ZNF425: variants seen among roughly 807,000 people sequenced by gnomAD.
ZNF425 encodes zinc finger protein 425.
ZNF425 carries 21 observed loss-of-function variants against 17.0 expected under a neutral mutation model. That is an observed-to-expected ratio of 1.23 (90% confidence interval 0.88 to 1.78). ZNF425 has a LOEUF of 1.78. Among genes scored for constraint, ZNF425 ranks in the 40% most tolerant of loss-of-function variants. The pLI is 0.00. For synonymous variants in ZNF425, 433 were observed against 384.1 expected, an observed-to-expected ratio of 1.13 and a Z score of -1.49; for missense variants, 868 against 967.3, an observed-to-expected ratio of 0.90 and a Z score of 1.36.
chr7:149,124,413 C>G (rs1826416977), intron 1 of ZNF425, among the ~76,000 whole-genome samples: 1 of 152,204 alleles, frequency 6.6e-6, no homozygotes, highest in Non-Finnish European at 1.5e-5. Flanking sequence ...TCTTGGCCAC[C>G]CAAAGTGCTG....
At chr7:149,111,981 C>G in intron 3 of ZNF425, 156 bp downstream of exon 3, 1 of 683,752 alleles carries the variant, frequency 1.5e-6, no homozygotes, top group South Asian at 2.0e-5. Context: ...CACGCCCAGC[C>G]CACATTTGCT....
intron 1 of ZNF425, among the ~76,000 whole-genome samples, chr7:149,119,696 G>A (rs761245569): frequency 2.6e-5 from 4 of 152,094 alleles, no homozygotes; most frequent in Non-Finnish European, 5.9e-5. Context: ...TGGGAAGACT[G>A]CTTGAGCTCA....
At chr7:149,125,530 A>G (rs1826448488) in intron 1 of ZNF425, among the ~76,000 whole-genome samples, 1 of 151,994 alleles carries the variant, frequency 6.6e-6, no homozygotes, top group Non-Finnish European at 1.5e-5. Flanking sequence ...CTCTGAAACT[A>G]CCTTCAGCAG....
chr7:149,120,184 C>A (rs943923667), intron 1 of ZNF425, among the ~76,000 whole-genome samples: 5 of 152,154 alleles, frequency 3.3e-5, no homozygotes, highest in Non-Finnish European at 7.3e-5. Flanking sequence ...GAGTTTGAGA[C>A]CAGCCTGGCC....
At chr7:149,124,297 A>C in intron 1 of ZNF425, among the ~76,000 whole-genome samples, 1 of 150,348 alleles carries the variant, frequency 6.7e-6, no homozygotes, top group Non-Finnish European at 1.5e-5. Flanking sequence ...CTGGGACTAC[A>C]GGCCCCCGCC....
chr7:149,111,590 T>TAACA (rs1826177291), intron 3 of ZNF425, among the ~76,000 whole-genome samples: 1 of 54,382 alleles, frequency 1.8e-5, no homozygotes, highest in Non-Finnish European at 3.3e-5. Flanking sequence ...AGACTCTGTC[T>TAACA]AAAAAAAAAA....
At position 149,105,475 on chromosome 7, in the gene ZNF425, C is replaced by G; in HGVS notation, c.396G>C (p.Glu132Asp). Residue 132 changes from glutamate (E) to aspartate (D), a missense_variant, in exon 4 of 4, where the codon GAG becomes GAC. By Grantham distance (45) the Glu-to-Asp change is conservative (BLOSUM62 2). Around this residue, in one of 5 missense-constraint regions of ZNF425, gnomAD observed 179 missense variants for 216.3 expected, o/e 0.83. Transcript: ENST00000378061. ...QDLCAALRGKERKILLAQTAT... is the reference protein window; with the variant it reads ...QDLCAALRGKDRKILLAQTAT... ...CTGTTTGAGCTAATAAAATCTTTCT[C>G]TCTTTCCCTCGTAAGGCAGCACACA... is the stretch of plus-strand genomic sequence containing the variant. 2 of 1,524,122 alleles carry G rather than the reference C, an allele frequency of 1.3e-6. No individual in the cohort carries two copies. The highest frequency in any genetic ancestry group is 1.8e-6 in the Non-Finnish European group (2 of 1,140,744). The allele number at this position is 1,524,122 out of a possible 1,614,324, so 94.4% of individuals were successfully genotyped here.
intron 1 of ZNF425, 95 bp downstream of exon 1, chr7:149,126,101 C>A: frequency 6.3e-7 from 1 of 1,591,790 alleles, no homozygotes; most frequent in South Asian, 1.1e-5. Context: ...AGGCCCAGGC[C>A]CCGGCCGCCC....
chr7:149,119,906 G>A (rs1826325308), intron 1 of ZNF425, among the ~76,000 whole-genome samples: 1 of 152,098 alleles, frequency 6.6e-6, no homozygotes, highest in Non-Finnish European at 1.5e-5. Flanking sequence ...AAGAAGATGT[G>A]CACGGGGTAT....
At chr7:149,111,493 G>A (rs1826174106) in intron 3 of ZNF425, among the ~76,000 whole-genome samples, 1 of 146,902 alleles carries the variant, frequency 6.8e-6, no homozygotes, top group South Asian at 2.2e-4. Flanking sequence ...TCTGGAGGCT[G>A]AGGAAGGAGA....
intron 2 of ZNF425, among the ~76,000 whole-genome samples, chr7:149,116,158 T>C (rs1483196163): frequency 6.6e-6 from 1 of 152,182 alleles, no homozygotes; most frequent in South Asian, 2.1e-4. Flanking sequence ...CTGTTCTGTC[T>C]ACACAATTCT....
chr7:149,105,292 A>G lies in ZNF425; in HGVS notation c.579T>C (p.Tyr193=). 1 of 1,614,170 alleles carries G rather than the reference A, an allele frequency of 6.2e-7. No homozygotes were observed. The change falls in exon 4 of 4, where the codon TAT becomes TAC. Residue 193 remains tyrosine (Y), a synonymous_variant. Coordinates refer to ENST00000378061, the MANE Select transcript of ZNF425 (RefSeq NM_001001661.3). ...TTACTTGGAAGACTTTCCTACAGACATAGCAGGAATAGCATCTTGGCCCTG... is the reference window on the plus strand; with the variant it reads ...TTACTTGGAAGACTTTCCTACAGACGTAGCAGGAATAGCATCTTGGCCCTG... ...IPTGPRCYSC[Y]VCRKVFQVRR...
At chr7:149,121,007 T>C (rs1826341576) in intron 1 of ZNF425, among the ~76,000 whole-genome samples, 1 of 152,052 alleles carries the variant, frequency 6.6e-6, no homozygotes, top group South Asian at 2.1e-4. Flanking sequence ...CTGTGTCATA[T>C]GATGAGTATT....
chr7:149,111,995 C>T, intron 3 of ZNF425, 142 bp downstream of exon 3: 2 of 811,182 alleles, frequency 2.5e-6, no homozygotes, highest in Non-Finnish European at 3.8e-6. Flanking sequence ...ATTTGCTACC[C>T]TCTTGAGTAA....
Position 149,118,343 on chromosome 7 carries a change from A to G in ZNF425, c.24T>C (p.Thr8=), listed in dbSNP as rs772284624. 2 of 1,614,170 alleles carry G rather than the reference A, an allele frequency of 1.2e-6. No individual in the cohort carries two copies. Among genetic ancestry groups the G allele is most frequent in the Non-Finnish European group, 1.7e-6 (2 of 1,180,040 alleles). MAEPASV[T]VTFDDVALYF... Reference sequence around the variant, plus strand: ...ATAAGGCCACATCATCAAATGTCACAGTTACCTGGAATCACAAATAGTATA... The same window carrying G: ...ATAAGGCCACATCATCAAATGTCACGGTTACCTGGAATCACAAATAGTATA... Residue 8 remains threonine (T), a synonymous_variant, in exon 2 of 4, where the codon ACT becomes ACC. Coordinates refer to ENST00000378061, the MANE Select transcript of ZNF425 (RefSeq NM_001001661.3).
At chr7:149,116,470 GC>G (rs1826267773) in intron 2 of ZNF425, among the ~76,000 whole-genome samples, 1 of 152,028 alleles carries the variant, frequency 6.6e-6, no homozygotes, top group Non-Finnish European at 1.5e-5. Flanking sequence ...TGCCTCTAAA[GC>G]CTATCTGGAG....
At chr7:149,115,757 C>G (rs1351106308) in intron 2 of ZNF425, among the ~76,000 whole-genome samples, 1 of 151,940 alleles carries the variant, frequency 6.6e-6, no homozygotes, top group Non-Finnish European at 1.5e-5. Flanking sequence ...AGCAGGAAGC[C>G]TCTTCCTCTG....
intron 3 of ZNF425, among the ~76,000 whole-genome samples, chr7:149,108,206 C>T (rs1001242820): frequency 3.9e-5 from 6 of 152,024 alleles, no homozygotes; most frequent in African/African-American, 7.2e-5. Flanking sequence ...CTACCACGCC[C>T]GGCTAATTTT....
chr7:149,115,075 C>T (rs1346498985), intron 2 of ZNF425, among the ~76,000 whole-genome samples: 2 of 147,568 alleles, frequency 1.4e-5, no homozygotes, highest in African/African-American at 5.0e-5. Flanking sequence ...GCTAGGATTA[C>T]AGACGTGTGC....
Sources: gnomAD v4.1 joint callset for allele counts (sites outside exome capture counted in the v4.1 genomes callset) on GRCh38, gnomAD v4.1.1 for gene constraint, gnomAD v4.1.1 regional missense constraint, MANE v1.5 for transcripts, NCBI Gene and HGNC (gene_info 2026-07-23, HGNC 2026-07-21) for gene names.